SDK1: variants seen among roughly 807,000 people sequenced by gnomAD.
SDK1 encodes the protein protein sidekick-1.
In SDK1, 157 loss-of-function variants were observed where a neutral mutation model predicts 245.5. That is an observed-to-expected ratio of 0.64 (90% CI 0.56 to 0.73). SDK1 has a LOEUF of 0.73. Ranked by LOEUF, SDK1 falls within the 30% of genes least tolerant of loss-of-function variation. The pLI, the probability that SDK1 is intolerant of heterozygous loss-of-function variation, is 0.00. For missense variants in SDK1, 3,583 were observed against 3,002.3 expected (o/e 1.19, Z -4.52); for synonymous variants, 1,647 against 1,278.5 (o/e 1.29, Z -6.15).
At chr7:3,478,306 T>C (rs985812547) in intron 1 of SDK1, among the ~76,000 whole-genome samples, 1 of 152,082 alleles carries the variant, frequency 6.6e-6, no homozygotes, top group African/African-American at 2.4e-5. Context: ...ATGAGAGTGT[T>C]GACTTATTTT....
chr7:3,694,395 T>C (rs901689862), intron 4 of SDK1, among the ~76,000 whole-genome samples: 4 of 152,152 alleles, frequency 2.6e-5, no homozygotes, highest in Non-Finnish European at 5.9e-5. Context: ...CACTCACAGT[T>C]AGATTGAATC....
intron 2 of SDK1, among the ~76,000 whole-genome samples, chr7:3,629,392 G>C (rs553466899): frequency 6.6e-6 from 1 of 152,162 alleles, no homozygotes; most frequent in East Asian, 1.9e-4. Flanking sequence ...TTTAATATTT[G>C]GCAGAATATT....
At chr7:3,474,782 C>T (rs115461870) in intron 1 of SDK1, among the ~76,000 whole-genome samples, 2,285 of 152,260 alleles carry the variant, frequency 0.015, 54 homozygotes, top group African/African-American at 0.046. Flanking sequence ...GCTGGAACTC[C>T]TGGGTTCAAG....
intron 4 of SDK1, among the ~76,000 whole-genome samples, chr7:3,665,938 A>C (rs1042718077): frequency 6.6e-6 from 1 of 151,716 alleles, no homozygotes. Flanking sequence ...AACACCTTCT[A>C]CCATCTTCCC....
chr7:3,903,290 C>G (rs1173152474), intron 5 of SDK1, among the ~76,000 whole-genome samples: 1 of 151,902 alleles, frequency 6.6e-6, no homozygotes, highest in Non-Finnish European at 1.5e-5. Context: ...ACTACAGGTG[C>G]CCGCCACCAT....
chr7:3,953,996 C>G (rs1781037742), intron 7 of SDK1, among the ~76,000 whole-genome samples: 1 of 152,150 alleles, frequency 6.6e-6, no homozygotes, highest in Non-Finnish European at 1.5e-5. Context: ...AGGGCTGTCA[C>G]CATGTACCTG....
At chr7:3,527,696 G>C (rs943662936) in intron 1 of SDK1, among the ~76,000 whole-genome samples, 33 of 151,768 alleles carry the variant, frequency 2.2e-4, no homozygotes, top group African/African-American at 8.0e-4. Flanking sequence ...TGGGAGGTGA[G>C]GCTGGATGAT....
intron 5 of SDK1, among the ~76,000 whole-genome samples, chr7:3,847,545 G>C (rs955090780): frequency 1.3e-5 from 2 of 152,186 alleles, no homozygotes; most frequent in African/African-American, 4.8e-5. Context: ...TTGCAAAGCC[G>C]GCCTTCCTCC....
rs1272595898 is a variant in SDK1, at chr7:4,076,990, C to T, written c.3011-8C>T. The T allele has an allele frequency of 3.1e-6, 5 of 1,613,114 alleles. No homozygotes were observed. Among genetic ancestry groups the T allele is most frequent in the Non-Finnish European group, 4.2e-6 (5 of 1,179,786 alleles). ...GACCAACACTGGTCTGGTCCTGTTG[C>T]TTTCTAGGCTATCAGATCTCTTGGG... On this transcript the variant is annotated splice_region_variant and splice_polypyrimidine_tract_variant and intron_variant, in intron 20 of 44. Coordinates refer to ENST00000404826, the MANE Select transcript of SDK1 (RefSeq NM_152744.4).
intron 1 of SDK1, among the ~76,000 whole-genome samples, chr7:3,393,421 A>T (rs557140079): frequency 3.8e-4 from 58 of 152,220 alleles, no homozygotes; most frequent in African/African-American, 1.3e-3. Flanking sequence ...GAGAGTTCCA[A>T]CTTTTTTACA....
At chr7:3,701,650 A>T (rs756880390) in intron 4 of SDK1, among the ~76,000 whole-genome samples, 3 of 152,178 alleles carry the variant, frequency 2.0e-5, no homozygotes, top group African/African-American at 7.2e-5. Context: ...TGGTTAAGCA[A>T]AGGAGCTGGA....
chr7:3,706,464 C>G (rs1001614178), intron 4 of SDK1, among the ~76,000 whole-genome samples: 1 of 152,138 alleles, frequency 6.6e-6, no homozygotes, highest in Non-Finnish European at 1.5e-5. Flanking sequence ...TGCAGTGGCA[C>G]GATCTCAGCT....
rs539743136 is a variant in SDK1 at position 3,566,498 on chromosome 7, TA to T, written c.299-52581del. On this transcript the variant is annotated intron_variant, in intron 1 of 44. Coordinates refer to ENST00000404826, the MANE Select transcript of SDK1 (RefSeq NM_152744.4). ...CCTCGGCCTCCCAAAGTGCTGGGAT[TA>T]CAGGCGTGAGCCACCACGCCCGGCC... 2.6e-5 allele frequency among the ~76,000 whole-genome samples: 4 copies of T among 152,168 alleles called. No individual in the cohort carries two copies. The South Asian group carries it at 8.3e-4, about 32-fold the overall frequency.
At chr7:4,017,398 G>C (rs778779091) in intron 17 of SDK1, 46 bp downstream of exon 17, 4 of 1,545,418 alleles carry the variant, frequency 2.6e-6, no homozygotes, top group Non-Finnish European at 2.6e-6. Flanking sequence ...CTTTGCCGGG[G>C]AATGGGATTT....
At chr7:4,130,326 C>T (rs1028854726) in intron 27 of SDK1, 2 of 555,244 alleles carry the variant, frequency 3.6e-6, no homozygotes, top group East Asian at 3.2e-5. Context: ...GAGTTTCCCT[C>T]ATAACTCTGC....
In SDK1 at chr7:4,149,374, C is replaced by A. The variant is rs868456362; in HGVS notation, c.4536C>A (p.Phe1512Leu). ...GSDGASPIRY[F>L]TMQVRELPRG... is the part of the protein sequence containing the mutation. ...ACGGGGCCTCCCCCATCCGGTACTTCACCATGCAGGTGCGAGAGCTGCCTC... is the reference window on the plus strand; with the variant it reads ...ACGGGGCCTCCCCCATCCGGTACTTAACCATGCAGGTGCGAGAGCTGCCTC... Residue 1512 changes from phenylalanine (F) to leucine (L), a missense_variant, in exon 30 of 45, where the codon TTC (phenylalanine) becomes TTA (leucine). Physicochemically the swap from Phe to Leu is conservative, Grantham distance 22. Coordinates refer to ENST00000404826, the MANE Select transcript of SDK1 (RefSeq NM_152744.4). 3 of 1,592,134 alleles carry A rather than the reference C, an allele frequency of 1.9e-6. No individual in the cohort carries two copies. Among genetic ancestry groups the A allele is most frequent in the Non-Finnish European group, 2.6e-6 (3 of 1,169,998 alleles).
intron 44 of SDK1, among the ~76,000 whole-genome samples, chr7:4,262,228 A>G (rs1788062538): frequency 6.6e-6 from 1 of 151,034 alleles, no homozygotes; most frequent in South Asian, 2.1e-4. Context: ...TAGCAGAGAC[A>G]GGTTTCACCG....
intron 1 of SDK1, among the ~76,000 whole-genome samples, chr7:3,418,238 GC>G (rs1398091262): frequency 6.6e-6 from 1 of 151,548 alleles, no homozygotes; most frequent in Admixed American, 6.6e-5. Flanking sequence ...AATTGCTTGA[GC>G]CCGGGAGGCG....
Position 4,029,228 on chromosome 7 carries a change from T to TTTTTTTTGTGTG in SDK1, c.2602+11877_2602+11878insTTTTTTGTGTGT, listed in dbSNP as rs746967075. 6.9e-4 allele frequency among the ~76,000 whole-genome samples: 77 copies of TTTTTTTTGTGTG among 112,056 alleles called. 11 individuals are homozygous for TTTTTTTTGTGTG. The highest frequency in any genetic ancestry group is 5.9e-3 in the East Asian group (28 of 4,706). The allele number at this position is 112,056 out of a possible 152,430, so 73.5% of individuals were successfully genotyped here. A position where few individuals can be genotyped will look rare whatever the true frequency, so the allele number is the denominator to read the frequency against. On this transcript the variant is annotated intron_variant, in intron 17 of 44. Transcript: ENST00000404826. ...TTTTATTCTTTCTTTTTTTTTTTTT[T>TTTTTTTTGTGTG]TGTGAAGAAGTCTCACTCTGTCATC... is the stretch of plus-strand genomic sequence containing the variant.
Sources: allele counts gnomAD v4.1 joint callset (sites outside exome capture counted in the v4.1 genomes callset), GRCh38; gene constraint gnomAD v4.1.1; transcripts MANE v1.5; gene names NCBI Gene and HGNC (gene_info 2026-07-23, HGNC 2026-07-21).